The following IMMP2L variants were observed in gnomAD, a reference collection of about 807,000 sequenced individuals.
The protein encoded by IMMP2L is inner mitochondrial membrane peptidase subunit 2.
In IMMP2L, 18 loss-of-function variants were observed where a neutral mutation model predicts 19.3. The observed-to-expected ratio is 0.93, with a 90% CI of 0.64 to 1.38. IMMP2L has a LOEUF of 1.38. Ranked by LOEUF, IMMP2L falls within the 40% of genes most tolerant of loss-of-function variation. The pLI, the probability that IMMP2L is intolerant of heterozygous loss-of-function variation, is 0.00. For missense variants in IMMP2L, 233 were observed against 218.2 expected (o/e 1.07, Z -0.43); for synonymous variants, 76 against 73.0 (o/e 1.04, Z -0.21).
intron 3 of IMMP2L, among the ~76,000 whole-genome samples, chr7:111,197,998 A>G (rs1271576752): frequency 6.6e-6 from 1 of 152,192 alleles, no homozygotes; most frequent in Non-Finnish European, 1.5e-5. Context: ...CAGTAGACAG[A>G]TAATATTGCA....
intron 4 of IMMP2L, among the ~76,000 whole-genome samples, chr7:110,910,871 A>T (rs757300124): frequency 7.9e-5 from 12 of 152,136 alleles, no homozygotes; most frequent in Non-Finnish European, 1.6e-4. Context: ...ATGCCCAGCC[A>T]TCGGGGAAGA....
At chr7:110,813,921 T>C (rs1257975106) in intron 5 of IMMP2L, among the ~76,000 whole-genome samples, 2 of 152,146 alleles carry the variant, frequency 1.3e-5, no homozygotes, top group South Asian at 2.1e-4. Flanking sequence ...TACTGTTTCC[T>C]CAGATAAAAT....
chr7:111,218,867 T>C (rs1308370072), intron 3 of IMMP2L, among the ~76,000 whole-genome samples: 2 of 152,024 alleles, frequency 1.3e-5, no homozygotes, highest in Non-Finnish European at 2.9e-5. Flanking sequence ...GTATAATAAA[T>C]CTTGAAAATC....
intron 1 of IMMP2L, among the ~76,000 whole-genome samples, chr7:111,540,810 C>A (rs1848445650): frequency 6.6e-6 from 1 of 152,122 alleles, no homozygotes; most frequent in African/African-American, 2.4e-5. Context: ...TATATTACCA[C>A]CCGTTTACAA....
At chr7:111,159,015 C>A (rs75568895) in intron 3 of IMMP2L, among the ~76,000 whole-genome samples, 1,614 of 152,206 alleles carry the variant, frequency 0.011, 39 homozygotes, top group African/African-American at 0.037. Flanking sequence ...TTTAGAAGTT[C>A]TAAACTAGGT....
intron 3 of IMMP2L, among the ~76,000 whole-genome samples, chr7:111,211,743 C>T (rs1286193173): frequency 6.6e-6 from 1 of 152,186 alleles, no homozygotes; most frequent in African/African-American, 2.4e-5. Context: ...GGAGCAGTGG[C>T]TCACGCCTGT....
At chr7:111,199,028 A>T (rs563899601) in intron 3 of IMMP2L, among the ~76,000 whole-genome samples, 77 of 152,216 alleles carry the variant, frequency 5.1e-4, no homozygotes, top group Non-Finnish European at 8.5e-4. Context: ...CTTGATAGCT[A>T]TGTCAGTCAC....
intron 3 of IMMP2L, among the ~76,000 whole-genome samples, chr7:110,972,890 G>A (rs754667414): frequency 6.6e-6 from 1 of 152,106 alleles, no homozygotes; most frequent in Non-Finnish European, 1.5e-5. Flanking sequence ...ACCTCAGAAT[G>A]AGGGAAAGTT....
At chr7:111,304,651 T>A (rs1458211559) in intron 3 of IMMP2L, among the ~76,000 whole-genome samples, 1 of 144,992 alleles carries the variant, frequency 6.9e-6, no homozygotes, top group African/African-American at 2.5e-5. Context: ...GTATGGGTGT[T>A]TATACATACA....
At chr7:110,926,283 T>C (rs919907819) in intron 4 of IMMP2L, among the ~76,000 whole-genome samples, 2 of 152,144 alleles carry the variant, frequency 1.3e-5, no homozygotes, top group Non-Finnish European at 2.9e-5. Context: ...TTTTATCAGA[T>C]GTTCCTTCTG....
intron 4 of IMMP2L, among the ~76,000 whole-genome samples, chr7:110,919,895 C>A (rs1042269861): frequency 6.6e-6 from 1 of 152,078 alleles, no homozygotes; most frequent in African/African-American, 2.4e-5. Flanking sequence ...TGGCTGGGTA[C>A]TACGTAAATT....
intron 3 of IMMP2L, among the ~76,000 whole-genome samples, chr7:111,170,524 T>C (rs1207506594): frequency 6.6e-6 from 1 of 151,838 alleles, no homozygotes; most frequent in African/African-American, 2.4e-5. Context: ...AAATAAAGCC[T>C]GTGGCAGTCA....
chr7:111,557,139 C>T (rs1284238504), intron 1 of IMMP2L, among the ~76,000 whole-genome samples: 1 of 152,140 alleles, frequency 6.6e-6, no homozygotes, highest in African/African-American at 2.4e-5. Flanking sequence ...CCCACTACTT[C>T]CACCTTTATC....
intron 1 of IMMP2L, among the ~76,000 whole-genome samples, chr7:111,545,310 T>C (rs1462177514): frequency 6.6e-6 from 1 of 152,156 alleles, no homozygotes; most frequent in African/African-American, 2.4e-5. Context: ...CATGCCCTTA[T>C]TGGCCATTTG....
intron 3 of IMMP2L, among the ~76,000 whole-genome samples, chr7:111,069,175 C>T (rs374295896): frequency 5.3e-5 from 8 of 152,262 alleles, no homozygotes; most frequent in African/African-American, 1.9e-4. Flanking sequence ...CAAACAGATT[C>T]CTTCCTTTGT....
intron 5 of IMMP2L, among the ~76,000 whole-genome samples, chr7:110,764,943 A>G (rs1224324432): frequency 2.0e-5 from 3 of 152,126 alleles, no homozygotes; most frequent in Admixed American, 6.6e-5. Flanking sequence ...TTGATCGAAG[A>G]TGATGAAGGG....
chr7:110,859,441 T>A (rs998634922), intron 5 of IMMP2L, among the ~76,000 whole-genome samples: 18 of 151,824 alleles, frequency 1.2e-4, no homozygotes, highest in Admixed American at 6.6e-5. Flanking sequence ...TGATTTTTTG[T>A]TAAATAAAAA....
chr7:110,966,562 A>T (rs964727541), intron 3 of IMMP2L, among the ~76,000 whole-genome samples: 2 of 152,058 alleles, frequency 1.3e-5, no homozygotes, highest in Non-Finnish European at 2.9e-5. Context: ...ATTTTAAAAT[A>T]ATCTATATTT....
At chr7:111,432,113 T>TAGG (rs1554496413) in intron 3 of IMMP2L, among the ~76,000 whole-genome samples, 1 of 151,572 alleles carries the variant, frequency 6.6e-6, no homozygotes, top group Non-Finnish European at 1.5e-5. Context: ...TAGGGAAAGG[T>TAGG]GCAGTCTTGG....
Sources: gnomAD v4.1 joint callset for allele counts (sites outside exome capture counted in the v4.1 genomes callset) on GRCh38, gnomAD v4.1.1 for gene constraint, MANE v1.5 for transcripts, NCBI Gene and HGNC (gene_info 2026-07-23, HGNC 2026-07-21) for gene names.